Variants in CHRM3 observed in about 807,000 individuals in gnomAD.
CHRM3 encodes the protein muscarinic acetylcholine receptor M3.
A neutral mutation model predicts 41.8 loss-of-function variants in CHRM3; 11 were observed. The observed-to-expected ratio is 0.26, with a 90% CI of 0.17 to 0.44. CHRM3 has a LOEUF of 0.44. Ranked by LOEUF, CHRM3 falls within the 20% of genes least tolerant of loss-of-function variation. The pLI is 1.00. For missense variants in CHRM3, 571 were observed against 745.4 expected (o/e 0.77, Z 2.72); for synonymous variants, 297 against 301.4 (o/e 0.99, Z 0.15).
intron 4 of CHRM3, among the ~76,000 whole-genome samples, chr1:239,651,985 G>GTT (rs56096731): frequency 1.4e-5 from 2 of 140,256 alleles, no homozygotes; most frequent in East Asian, 2.2e-4. Flanking sequence ...GCCAGTTTTT[G>GTT]TTTTTTTTTT....
chr1:239,449,283 G>T (rs567132753), intron 1 of CHRM3, among the ~76,000 whole-genome samples: 1 of 152,126 alleles, frequency 6.6e-6, no homozygotes, highest in Non-Finnish European at 1.5e-5. Context: ...TATAATTTTA[G>T]CATATTTAAC....
chr1:239,845,956 A>C (rs1191404813), intron 6 of CHRM3, among the ~76,000 whole-genome samples: 1 of 152,258 alleles, frequency 6.6e-6, no homozygotes, highest in Non-Finnish European at 1.5e-5. Context: ...AGTTTGGTAT[A>C]GAGTAATTTG....
intron 3 of CHRM3, chr1:239,546,348 C>T: frequency 6.6e-6 from 1 of 152,022 alleles, no homozygotes; most frequent in East Asian, 1.9e-4. Flanking sequence ...TCTGCTTTAC[C>T]TAGTTCATAA....
At chr1:239,764,824 C>A (rs1382998270) in intron 5 of CHRM3, among the ~76,000 whole-genome samples, 1 of 152,216 alleles carries the variant, frequency 6.6e-6, no homozygotes, top group Non-Finnish European at 1.5e-5. Context: ...GTGAAGACAT[C>A]TTCCACATAG....
rs143680510 is a variant in CHRM3 at position 239,407,405 on chromosome 1, A to AATAT, written c.-521+20188_-521+20191dup. 4.7e-4 allele frequency among the ~76,000 whole-genome samples: 65 copies of AATAT among 137,022 alleles called. 3 individuals carry two copies. The highest frequency in any genetic ancestry group is 3.8e-3 in the Middle Eastern group (1 of 266). 89.9% of individuals were successfully genotyped at this position (137,022 alleles called of 152,430 possible). A position where few individuals can be genotyped will look rare whatever the true frequency, so the allele number is the denominator to read the frequency against. On this transcript the variant is annotated intron_variant, in intron 1 of 6. Coordinates refer to ENST00000676153, the MANE Select transcript of CHRM3 (RefSeq NM_001375978.1). ...GAGCTCTATGAGACCAATGACTATAAATATATATATATAGAGAGAGAGAGA... is the reference window on the plus strand; with the variant it reads ...GAGCTCTATGAGACCAATGACTATAAATATATATATATATATAGAGAGAGAGAGA...
At chr1:239,863,758 A>G (rs1436462829) in intron 6 of CHRM3, among the ~76,000 whole-genome samples, 1 of 152,050 alleles carries the variant, frequency 6.6e-6, no homozygotes, top group Non-Finnish European at 1.5e-5. Flanking sequence ...GAAGGGGAGT[A>G]GACAGTGGCA....
At chr1:239,704,213 C>T (rs1660935619) in intron 5 of CHRM3, 1 of 152,130 alleles carries the variant, frequency 6.6e-6, no homozygotes, top group African/African-American at 2.4e-5. Context: ...GAAAGATCTG[C>T]ACGTAGGAAT....
At chr1:239,678,369 G>A (rs564980090) in intron 5 of CHRM3, 81 bp downstream of exon 5, 2 of 152,262 alleles carry the variant, frequency 1.3e-5, no homozygotes, top group South Asian at 2.1e-4. Context: ...GGATTGCTAA[G>A]AATGGAATCT....
At chr1:239,667,301 C>T (rs1673905392) in intron 4 of CHRM3, among the ~76,000 whole-genome samples, 1 of 152,160 alleles carries the variant, frequency 6.6e-6, no homozygotes, top group Non-Finnish European at 1.5e-5. Flanking sequence ...CATTACTGTT[C>T]CCTTGCCTTA....
chr1:239,843,653 G>C (rs1052032012), intron 6 of CHRM3, among the ~76,000 whole-genome samples: 4 of 151,936 alleles, frequency 2.6e-5, no homozygotes, highest in Non-Finnish European at 5.9e-5. Flanking sequence ...GGATTGAGAT[G>C]ACACTTCCAC....
chr1:239,569,504 A>G (rs1661646098), intron 3 of CHRM3, among the ~76,000 whole-genome samples: 1 of 152,186 alleles, frequency 6.6e-6, no homozygotes, highest in Admixed American at 6.5e-5. Flanking sequence ...AAATACATTT[A>G]TGTATTTTCA....
intron 1 of CHRM3, among the ~76,000 whole-genome samples, chr1:239,390,199 A>C (rs1458861745): frequency 6.6e-6 from 1 of 152,210 alleles, no homozygotes; most frequent in Non-Finnish European, 1.5e-5. Flanking sequence ...GTTTACTTTT[A>C]AAAGTTAATC....
At chr1:239,542,365 G>T (rs1391005922) in intron 2 of CHRM3, among the ~76,000 whole-genome samples, 1 of 152,132 alleles carries the variant, frequency 6.6e-6, no homozygotes, top group Non-Finnish European at 1.5e-5. Context: ...TCTACTCAGA[G>T]AAAACAGGAG....
intron 2 of CHRM3, among the ~76,000 whole-genome samples, chr1:239,511,615 A>T (rs1004900043): frequency 2.6e-5 from 4 of 152,198 alleles, no homozygotes; most frequent in Admixed American, 2.6e-4. Flanking sequence ...AATTAGGCTC[A>T]CTTGTTTGGG....
At chr1:239,396,830 G>C (rs1039810120) in intron 1 of CHRM3, among the ~76,000 whole-genome samples, 1 of 152,012 alleles carries the variant, frequency 6.6e-6, no homozygotes, top group Non-Finnish European at 1.5e-5. Context: ...TACAAAACTG[G>C]GATAATAATA....
intron 1 of CHRM3, among the ~76,000 whole-genome samples, chr1:239,396,241 T>C (rs1486645311): frequency 1.3e-5 from 2 of 152,160 alleles, no homozygotes; most frequent in South Asian, 2.1e-4. Context: ...GACTGTGAAC[T>C]CCTTGAAAGA....
chr1:239,572,694 T>C (rs1661941467), intron 3 of CHRM3, among the ~76,000 whole-genome samples: 1 of 152,234 alleles, frequency 6.6e-6, no homozygotes, highest in Admixed American at 6.5e-5. Context: ...TTGAACATAA[T>C]AATACTCTCC....
intron 1 of CHRM3, among the ~76,000 whole-genome samples, chr1:239,461,597 C>T (rs576632763): frequency 2.0e-5 from 3 of 152,008 alleles, no homozygotes; most frequent in Non-Finnish European, 4.4e-5. Context: ...TGCGTGCCTC[C>T]ATATACGCAA....
intron 2 of CHRM3, among the ~76,000 whole-genome samples, chr1:239,543,192 C>T (rs1206928475): frequency 6.6e-6 from 1 of 152,200 alleles, no homozygotes; most frequent in Non-Finnish European, 1.5e-5. Flanking sequence ...TGGCACATTG[C>T]AGAATGACAC....
Sources: allele counts gnomAD v4.1 joint callset (sites outside exome capture counted in the v4.1 genomes callset), GRCh38; gene constraint gnomAD v4.1.1; transcripts MANE v1.5; gene names NCBI Gene and HGNC (gene_info 2026-07-23, HGNC 2026-07-21).